The following FAM107B variants were observed in gnomAD, a reference collection of about 807,000 sequenced individuals.
FAM107B encodes the protein protein FAM107B.
In FAM107B, 21 loss-of-function variants were observed where a neutral mutation model predicts 31.5. That is an observed-to-expected ratio of 0.67 (90% CI 0.47 to 0.96). FAM107B has a LOEUF of 0.96. Among genes scored for constraint, FAM107B ranks in the 40% least tolerant of loss-of-function variants. The pLI is 0.00. For synonymous variants in FAM107B, 157 were observed against 141.5 expected (o/e 1.11, Z -0.78); for missense variants, 452 against 377.1 (o/e 1.20, Z -1.64).
intron 2 of FAM107B, among the ~76,000 whole-genome samples, chr10:14,629,569 G>T (rs2131416063): frequency 7.0e-6 from 1 of 141,850 alleles, no homozygotes; most frequent in South Asian, 2.1e-4. Context: ...CTGGAGTGCA[G>T]TGACACCATC....
intron 1 of FAM107B, among the ~76,000 whole-genome samples, chr10:14,728,091 A>G (rs1397211861): frequency 2.0e-5 from 3 of 152,166 alleles, no homozygotes. Context: ...AATAACTTAA[A>G]AAGTAAAATG....
rs147039557 is a variant in FAM107B, at chr10:14,655,844, A to G, written c.469+11790T>C. Among the ~76,000 whole-genome samples the G allele has an allele frequency of 4.7e-4, 72 of 152,320 alleles. 1 individual carries two copies. Among genetic ancestry groups the G allele is most frequent in the African/African-American group, 1.7e-3 (71 of 41,560 alleles). On this transcript the variant is annotated intron_variant, in intron 2 of 4. Coordinates refer to ENST00000181796, the MANE Select transcript of FAM107B (RefSeq NM_031453.4). ...ACCTACCCTAGGGAAAGTGAGCTGC[A>G]GTATTTATTCACAAAGTCTGATCAG... is the stretch of plus-strand genomic sequence containing the variant.
At chr10:14,595,524 C>T (rs892544850) in intron 2 of FAM107B, among the ~76,000 whole-genome samples, 8 of 144,822 alleles carry the variant, frequency 5.5e-5, no homozygotes, top group African/African-American at 7.7e-5. Flanking sequence ...CTCCTGAGTT[C>T]GAGCGATTCT....
intron 2 of FAM107B, among the ~76,000 whole-genome samples, chr10:14,596,767 C>T (rs1368203338): frequency 6.6e-6 from 1 of 152,272 alleles, no homozygotes; most frequent in East Asian, 1.9e-4. Context: ...CGACGCCCTG[C>T]CTCCTCTCAC....
At chr10:14,705,206 G>A (rs1010372967) in intron 1 of FAM107B, among the ~76,000 whole-genome samples, 2 of 151,934 alleles carry the variant, frequency 1.3e-5, no homozygotes, top group African/African-American at 2.4e-5. Context: ...TTAAAAAAAA[G>A]AAAATAATAA....
chr10:14,544,100 G>C (rs1848490306), intron 2 of FAM107B, among the ~76,000 whole-genome samples: 1 of 152,148 alleles, frequency 6.6e-6, no homozygotes, highest in Non-Finnish European at 1.5e-5. Flanking sequence ...GCTTGGCCCA[G>C]GGTTAGAGAG....
chr10:14,760,911 C>G (rs918125243), intron 1 of FAM107B, among the ~76,000 whole-genome samples: 2 of 147,968 alleles, frequency 1.4e-5, no homozygotes, highest in African/African-American at 5.0e-5. Context: ...ACTCGAGAGA[C>G]TGAGGCAGGA....
intron 3 of FAM107B, among the ~76,000 whole-genome samples, chr10:14,523,309 G>A (rs12264941): frequency 0.013 from 2,005 of 148,966 alleles, 49 homozygotes; most frequent in African/African-American, 0.047. Flanking sequence ...AAATTTACCA[G>A]GACAATTTAA....
chr10:14,547,037 A>G (rs1848757721), intron 2 of FAM107B, among the ~76,000 whole-genome samples: 2 of 152,178 alleles, frequency 1.3e-5, no homozygotes, highest in African/African-American at 4.8e-5. Flanking sequence ...TCCTGGCCAC[A>G]TCCAACCCAG....
At chr10:14,764,936 T>C (rs1291286134) in intron 1 of FAM107B, among the ~76,000 whole-genome samples, 5 of 152,196 alleles carry the variant, frequency 3.3e-5, no homozygotes, top group South Asian at 2.1e-4. Context: ...ACTCTTTGGG[T>C]AGGCACTCTA....
chr10:14,739,433 G>T (rs1434160196), intron 1 of FAM107B, among the ~76,000 whole-genome samples: 3 of 152,162 alleles, frequency 2.0e-5, no homozygotes, highest in African/African-American at 7.2e-5. Context: ...GGAGGACAAG[G>T]TATTTTTACC....
intron 2 of FAM107B, among the ~76,000 whole-genome samples, chr10:14,621,793 G>C (rs1005973691): frequency 3.3e-5 from 5 of 151,520 alleles, no homozygotes; most frequent in African/African-American, 1.2e-4. Context: ...TCCACAGCTC[G>C]CTTGTTAGCT....
intron 2 of FAM107B, among the ~76,000 whole-genome samples, chr10:14,557,671 C>T (rs1484407273): frequency 6.6e-6 from 1 of 152,214 alleles, no homozygotes; most frequent in African/African-American, 2.4e-5. Flanking sequence ...CTTACTGCAT[C>T]CCAGGCACTG....
chr10:14,537,354 G>A (rs1006823828), intron 2 of FAM107B, among the ~76,000 whole-genome samples: 1 of 152,212 alleles, frequency 6.6e-6, no homozygotes, highest in Non-Finnish European at 1.5e-5. Context: ...TGAGGCAGGG[G>A]TCATGACTTC....
intron 2 of FAM107B, among the ~76,000 whole-genome samples, chr10:14,643,376 G>C (rs879025649): frequency 1.3e-5 from 2 of 151,372 alleles, no homozygotes; most frequent in Admixed American, 1.3e-4. Flanking sequence ...CTTTACTCAG[G>C]TCTTCAAAGA....
intron 3 of FAM107B, 48 bp from the exon 4 acceptor site, chr10:14,522,067 C>A (rs758377692): frequency 2.2e-5 from 35 of 1,571,848 alleles, no homozygotes; most frequent in African/African-American, 2.8e-5. Flanking sequence ...CTAATGGCTA[C>A]ATTTTTTATG....
chr10:14,698,853 AT>A (rs1855328411), intron 1 of FAM107B, among the ~76,000 whole-genome samples: 1 of 152,234 alleles, frequency 6.6e-6, no homozygotes. Context: ...AGTATTTGCC[AT>A]TGAAAGTAAT....
chr10:14,664,905 T>C (rs550247300), intron 2 of FAM107B, among the ~76,000 whole-genome samples: 1 of 152,298 alleles, frequency 6.6e-6, no homozygotes, highest in East Asian at 1.9e-4. Flanking sequence ...CTGGATAGAA[T>C]GAACTACAAC....
chr10:14,715,417 C>T (rs1473948811), intron 1 of FAM107B, among the ~76,000 whole-genome samples: 1 of 152,080 alleles, frequency 6.6e-6, no homozygotes, highest in Non-Finnish European at 1.5e-5. Flanking sequence ...AAAATTAGAT[C>T]AACTTAAGAG....
Sources: gnomAD v4.1 joint callset for allele counts (sites outside exome capture counted in the v4.1 genomes callset) on GRCh38, gnomAD v4.1.1 for gene constraint, MANE v1.5 for transcripts, NCBI Gene and HGNC (gene_info 2026-07-23, HGNC 2026-07-21) for gene names.